FAM120B: variants seen among roughly 807,000 people sequenced by gnomAD.
The protein encoded by FAM120B is family with sequence similarity 120 member B.
Under a neutral mutation model 96.3 loss-of-function variants are expected in FAM120B, and 83 were observed. The observed-to-expected ratio is 0.86, with a 90% CI of 0.72 to 1.03. The LOEUF (loss-of-function observed/expected upper bound fraction) is 1.03. Among genes scored for constraint, FAM120B ranks in the 50% least tolerant of loss-of-function variants. The pLI, the probability that FAM120B is intolerant of heterozygous loss-of-function variation, is 0.00. For missense variants in FAM120B, 1,027 were observed against 1,121.2 expected (o/e 0.92, Z 1.20); for synonymous variants, 407 against 402.7 (o/e 1.01, Z -0.13).
rs1165038945 is a variant in FAM120B at position 170,399,856 on chromosome 6, T to TC, written c.2692+4277_2692+4278insC. Among the ~76,000 whole-genome samples the TC allele has an allele frequency of 8.8e-3, 220 of 24,860 alleles. 8 individuals carry two copies. Among genetic ancestry groups the TC allele is most frequent in the Non-Finnish European group, 9.8e-3 (153 of 15,572 alleles). The allele number at this position is 24,860 out of a possible 152,430, so 16.3% of individuals were successfully genotyped here. A position where few individuals can be genotyped will look rare whatever the true frequency, so the allele number is the denominator to read the frequency against. On this transcript the variant is annotated intron_variant, in intron 9 of 10. Coordinates refer to ENST00000476287, the MANE Select transcript of FAM120B (RefSeq NM_032448.3). ...GGGGAAGGTAGAACTATGTCATAAC[T>TC]TAGGAGTGAGTGGGGAAGGTAGAAC...
intron 9 of FAM120B, among the ~76,000 whole-genome samples, chr6:170,403,696 C>T (rs1282299947): frequency 2.6e-5 from 4 of 152,234 alleles, no homozygotes; most frequent in Middle Eastern, 3.4e-3. Context: ...AAAGAGATGA[C>T]GTGTTAAATT....
chr6:170,304,437 C>A (rs186710969), upstream of FAM120B, among the ~76,000 whole-genome samples: 2 of 152,258 alleles, frequency 1.3e-5, no homozygotes, highest in Non-Finnish European at 2.9e-5. Context: ...GTGCTGGGCA[C>A]CTGCTGGGCC....
chr6:170,384,098 A>G (rs1790065518), intron 6 of FAM120B, among the ~76,000 whole-genome samples: 1 of 152,252 alleles, frequency 6.6e-6, no homozygotes, highest in South Asian at 2.1e-4. Context: ...GGATAAAGAG[A>G]TGGATAACAG....
chr6:170,316,295 C>T (rs1194581063), intron 1 of FAM120B, among the ~76,000 whole-genome samples: 1 of 152,152 alleles, frequency 6.6e-6, no homozygotes, highest in African/African-American at 2.4e-5. Context: ...CTCATGACTG[C>T]TGCCTTCAGC....
intron 9 of FAM120B, among the ~76,000 whole-genome samples, chr6:170,397,507 G>C (rs75290907): frequency 0.016 from 2,435 of 152,206 alleles, 103 homozygotes; most frequent in East Asian, 0.1. Flanking sequence ...TGTGAATCTG[G>C]AGTCCACCCC....
chr6:170,351,049 A>G (rs1787541517), intron 5 of FAM120B, among the ~76,000 whole-genome samples: 1 of 152,192 alleles, frequency 6.6e-6, no homozygotes, highest in African/African-American at 2.4e-5. Flanking sequence ...ATATGTTAAA[A>G]CTACAGCAGC....
chr6:170,364,056 G>A (rs1370134336), intron 6 of FAM120B, among the ~76,000 whole-genome samples: 2 of 152,110 alleles, frequency 1.3e-5, no homozygotes, highest in Non-Finnish European at 2.9e-5. Flanking sequence ...TTAAAAATGT[G>A]TTTTGTTTTT....
intron 5 of FAM120B, among the ~76,000 whole-genome samples, chr6:170,355,344 A>G (rs1787837677): frequency 6.6e-6 from 1 of 152,226 alleles, no homozygotes; most frequent in Non-Finnish European, 1.5e-5. Context: ...AGACTGAGTA[A>G]AGAAAATGTG....
chr6:170,301,654 A>G (rs1201031235), intron 1 of FAM120B, among the ~76,000 whole-genome samples: 1 of 152,166 alleles, frequency 6.6e-6, no homozygotes, highest in African/African-American at 2.4e-5. Context: ...CTTCCACCAG[A>G]TACCCTAAAT....
At position 170,395,552 on chromosome 6, in the gene FAM120B, G is replaced by GGACAGC; in HGVS notation, c.2666_2671dup (p.Gln890_Pro891insArgGln). On this transcript the variant is annotated inframe_insertion, in exon 9 of 11. Transcript: ENST00000476287. ...CTCTGGGTATAGCCGTTCCAGTCAGGGACAGCCGTGGAGAGACCAGGGACC... is the reference window on the plus strand; with the variant it reads ...CTCTGGGTATAGCCGTTCCAGTCAGGGACAGCGACAGCCGTGGAGAGACCAGGGACC... The GGACAGC allele has an allele frequency of 1.3e-6, 2 of 1,596,616 alleles. No individual in the cohort carries two copies. The highest frequency in any genetic ancestry group is 1.7e-6 in the Non-Finnish European group (2 of 1,171,664).
intron 8 of FAM120B, among the ~76,000 whole-genome samples, chr6:170,392,112 A>G: frequency 6.6e-6 from 1 of 152,208 alleles, no homozygotes; most frequent in East Asian, 1.9e-4. Context: ...AAATATAATC[A>G]ATTTTAGGTA....
At chr6:170,400,531 G>T (rs879346279) in intron 9 of FAM120B, among the ~76,000 whole-genome samples, 1 of 152,132 alleles carries the variant, frequency 6.6e-6, no homozygotes, top group African/African-American at 2.4e-5. Context: ...CCAGTGGCCT[G>T]CCCTTAGGGG....
At chr6:170,322,945 A>G (rs1785388698) in intron 2 of FAM120B, 134 bp from the exon 3 acceptor site, 1 of 689,350 alleles carries the variant, frequency 1.5e-6, no homozygotes, top group Non-Finnish European at 2.3e-6. Context: ...ACTTGATGTC[A>G]TGAATTTCAG....
intron 2 of FAM120B, 62 bp from the exon 3 acceptor site, chr6:170,323,017 C>T (rs944467260): frequency 1.4e-6 from 2 of 1,404,704 alleles, no homozygotes; most frequent in South Asian, 3.0e-5. Context: ...TTGACTTTTT[C>T]TATTTGAAGG....
chr6:170,373,482 A>G (rs1789322583), intron 6 of FAM120B, among the ~76,000 whole-genome samples: 1 of 152,126 alleles, frequency 6.6e-6, no homozygotes, highest in Admixed American at 6.5e-5. Flanking sequence ...ATAACCTCAG[A>G]TCCTCAGATT....
At chr6:170,366,448 A>G (rs75316983) in intron 6 of FAM120B, among the ~76,000 whole-genome samples, 2,203 of 152,260 alleles carry the variant, frequency 0.014, 54 homozygotes, top group African/African-American at 0.051. Context: ...AGCTGAGTCT[A>G]TTTGGCTGGA....
intron 1 of FAM120B, among the ~76,000 whole-genome samples, chr6:170,298,706 CTAT>C (rs1235069422): frequency 6.6e-6 from 1 of 152,138 alleles, no homozygotes. Flanking sequence ...TGCTTTTCTA[CTAT>C]TGAGACTGTT....
intron 4 of FAM120B, among the ~76,000 whole-genome samples, chr6:170,342,074 A>G (rs979610278): frequency 6.6e-6 from 1 of 152,228 alleles, no homozygotes; most frequent in African/African-American, 2.4e-5. Flanking sequence ...CTTGGAGTCC[A>G]GTGTTTGAGG....
At chr6:170,328,121 C>T (rs1409111709) in intron 3 of FAM120B, among the ~76,000 whole-genome samples, 1 of 152,194 alleles carries the variant, frequency 6.6e-6, no homozygotes, top group African/African-American at 2.4e-5. Context: ...AACTTTTTGA[C>T]TCTTGTAATT....
Sources: allele counts gnomAD v4.1 joint callset (sites outside exome capture counted in the v4.1 genomes callset), GRCh38; gene constraint gnomAD v4.1.1; transcripts MANE v1.5; gene names NCBI Gene and HGNC (gene_info 2026-07-23, HGNC 2026-07-21).